The following RNF38 variants were observed in gnomAD, a reference collection of about 807,000 sequenced individuals.
The protein encoded by RNF38 is E3 ubiquitin-protein ligase RNF38.
Under a neutral mutation model 67.2 loss-of-function variants are expected in RNF38, and 15 were observed. The ratio of observed to expected loss-of-function variants is 0.22; its 90% CI spans 0.15 to 0.34. The LOEUF (loss-of-function observed/expected upper bound fraction) is 0.34, where lower values mean the gene tolerates loss of function less well. Ranked by LOEUF, RNF38 falls within the 10% of genes least tolerant of loss-of-function variation. RNF38 has a pLI of 1.00. For missense variants in RNF38, 524 were observed against 639.9 expected, an observed-to-expected ratio of 0.82 and a Z score of 1.95; for synonymous variants, 220 against 218.8, an observed-to-expected ratio of 1.01 and a Z score of -0.05.
At chr9:36,397,296 T>G (rs1837616209) in intron 1 of RNF38, among the ~76,000 whole-genome samples, 1 of 152,044 alleles carries the variant, frequency 6.6e-6, no homozygotes, top group Non-Finnish European at 1.5e-5. Flanking sequence ...TTATTTTTAG[T>G]AGAGACAGGA....
chr9:36,475,502 C>T (rs141705786), intron 1 of RNF38, among the ~76,000 whole-genome samples: 18 of 151,688 alleles, frequency 1.2e-4, no homozygotes, highest in Non-Finnish European at 2.4e-4. Context: ...GGATTACAGG[C>T]GCCCACCACC....
intron 2 of RNF38, among the ~76,000 whole-genome samples, chr9:36,382,448 G>A (rs1564026476): frequency 6.6e-6 from 1 of 152,078 alleles, no homozygotes. Flanking sequence ...TGAACCTGAG[G>A]CAGGCATAAG....
intron 2 of RNF38, among the ~76,000 whole-genome samples, chr9:36,407,979 T>C (rs151321222): frequency 6.6e-6 from 1 of 152,214 alleles, no homozygotes; most frequent in African/African-American, 2.4e-5. Flanking sequence ...TACATACATA[T>C]AGTTTGGCAA....
chr9:36,469,095 G>A (rs1238037236), intron 1 of RNF38, among the ~76,000 whole-genome samples: 1 of 152,076 alleles, frequency 6.6e-6, no homozygotes, highest in Non-Finnish European at 1.5e-5. Flanking sequence ...CTGGGCGACA[G>A]AGCAAGAGTC....
intron 1 of RNF38, among the ~76,000 whole-genome samples, chr9:36,426,988 T>G (rs1346886159): frequency 6.6e-6 from 1 of 152,188 alleles, no homozygotes; most frequent in Non-Finnish European, 1.5e-5. Flanking sequence ...GTACTACAAT[T>G]AACACTTCTA....
chr9:36,478,833 A>C (rs1426220468), intron 1 of RNF38, among the ~76,000 whole-genome samples: 1 of 151,936 alleles, frequency 6.6e-6, no homozygotes, highest in African/African-American at 2.4e-5. Context: ...AAAAAAAAAA[A>C]AAAAGATTAG....
At chr9:36,428,675 C>T (rs937224344) in intron 1 of RNF38, among the ~76,000 whole-genome samples, 2 of 151,996 alleles carry the variant, frequency 1.3e-5, no homozygotes, top group Non-Finnish European at 2.9e-5. Context: ...AGAAACCAAC[C>T]AAGTGAAGCA....
chr9:36,432,228 A>T (rs1328841345), intron 1 of RNF38, among the ~76,000 whole-genome samples: 1 of 151,604 alleles, frequency 6.6e-6, no homozygotes, highest in Non-Finnish European at 1.5e-5. Flanking sequence ...TCTGCCTCCC[A>T]GGTTCAAGTA....
intron 1 of RNF38, among the ~76,000 whole-genome samples, chr9:36,431,275 G>A (rs1838927824): frequency 6.6e-6 from 1 of 152,160 alleles, no homozygotes; most frequent in Non-Finnish European, 1.5e-5. Flanking sequence ...CAGAGAGTCA[G>A]GCTATATGGT....
At chr9:36,420,298 C>T (rs540251780) in intron 2 of RNF38, among the ~76,000 whole-genome samples, 9 of 151,892 alleles carry the variant, frequency 5.9e-5, no homozygotes, top group East Asian at 1.9e-4. Context: ...TTTGGGAGGC[C>T]GAGGCGGGTG....
At chr9:36,362,129 G>GGTGGATC (rs1190478587) in intron 4 of RNF38, among the ~76,000 whole-genome samples, 1 of 152,164 alleles carries the variant, frequency 6.6e-6, no homozygotes, top group African/African-American at 2.4e-5. Flanking sequence ...GGCTGAGGTG[G>GGTGGATC]GTGGATCGCC....
intron 9 of RNF38, among the ~76,000 whole-genome samples, chr9:36,346,057 ATTC>A (rs965925626): frequency 6.6e-6 from 1 of 152,384 alleles, no homozygotes; most frequent in Non-Finnish European, 1.5e-5. Context: ...TTATTTTATC[ATTC>A]TTCATTTATT....
chr9:36,470,665 T>C (rs750800369), intron 1 of RNF38, among the ~76,000 whole-genome samples: 5 of 151,380 alleles, frequency 3.3e-5, no homozygotes, highest in African/African-American at 1.2e-4. Context: ...TTTGTTTGTA[T>C]TGCTAATATT....
intron 1 of RNF38, among the ~76,000 whole-genome samples, chr9:36,449,496 C>T (rs968235727): frequency 3.9e-5 from 6 of 151,926 alleles, no homozygotes; most frequent in African/African-American, 9.7e-5. Flanking sequence ...AGTGCAGTGG[C>T]GCGATCTCGG....
At chr9:36,436,013 T>C (rs972679366) in intron 1 of RNF38, among the ~76,000 whole-genome samples, 8 of 152,320 alleles carry the variant, frequency 5.3e-5, no homozygotes, top group African/African-American at 1.9e-4. Context: ...AGATTTTTAC[T>C]TCCTAAAAAA....
intron 3 of RNF38, among the ~76,000 whole-genome samples, chr9:36,374,081 C>T (rs1835597259): frequency 6.6e-6 from 1 of 152,210 alleles, no homozygotes; most frequent in Non-Finnish European, 1.5e-5. Context: ...ACTATACTTT[C>T]TCATGCTTAT....
chr9:36,422,477 T>C (rs995081324), intron 2 of RNF38, among the ~76,000 whole-genome samples: 1 of 152,212 alleles, frequency 6.6e-6, no homozygotes, highest in African/African-American at 2.4e-5. Context: ...CTGTAACTTT[T>C]CTTTTATCCA....
intron 1 of RNF38, among the ~76,000 whole-genome samples, chr9:36,434,594 G>A (rs1839020079): frequency 6.6e-6 from 1 of 152,070 alleles, no homozygotes; most frequent in Non-Finnish European, 1.5e-5. Flanking sequence ...TTTCCATGTT[G>A]GTCAGGCTGG....
chr9:36,406,351 C>T (rs754392985), intron 2 of RNF38, among the ~76,000 whole-genome samples: 1 of 152,210 alleles, frequency 6.6e-6, no homozygotes, highest in Non-Finnish European at 1.5e-5. Flanking sequence ...AGTTCTGGAC[C>T]TCTACTAATG....
Sources: gnomAD v4.1 joint callset for allele counts (sites outside exome capture counted in the v4.1 genomes callset) on GRCh38, gnomAD v4.1.1 for gene constraint, MANE v1.5 for transcripts, NCBI Gene and HGNC (gene_info 2026-07-23, HGNC 2026-07-21) for gene names.